Variants in ZNF106 observed in about 807,000 individuals in gnomAD.
ZNF106 encodes zinc finger protein 106, also known as SH3-domain binding protein 3.
In ZNF106, 67 loss-of-function variants were observed where a neutral mutation model predicts 195.1. That is an observed-to-expected ratio of 0.34 (90% CI 0.28 to 0.42). The LOEUF (loss-of-function observed/expected upper bound fraction) is 0.42, where lower values mean the gene tolerates loss of function less well. ZNF106 is among the 10% of genes least tolerant of loss of function. ZNF106 has a pLI of 1.00. For missense variants in ZNF106, 2,118 were observed against 2,304.5 expected, an observed-to-expected ratio of 0.92 and a Z score of 1.66; for synonymous variants, 784 against 818.6, an observed-to-expected ratio of 0.96 and a Z score of 0.72.
chr15:42,424,681 T>G, intron 16 of ZNF106, 153 bp downstream of exon 16: 2 of 698,688 alleles, frequency 2.9e-6, no homozygotes, highest in Non-Finnish European at 4.7e-6. Flanking sequence ...AGTTTTGCCA[T>G]GTTGCCCTGG....
intron 4 of ZNF106, among the ~76,000 whole-genome samples, chr15:42,454,249 T>A (rs2056153013): frequency 6.6e-6 from 1 of 152,164 alleles, no homozygotes; most frequent in South Asian, 2.1e-4. Flanking sequence ...ATTATATAAA[T>A]TACAATCATT....
chr15:42,462,005 T>C lies in ZNF106; in HGVS notation c.116+4048A>G, dbSNP rs148367524. On this transcript the variant is annotated intron_variant, in intron 3 of 21. Coordinates refer to ENST00000564754, the MANE Select transcript of ZNF106 (RefSeq NM_001366845.3). The stretch of plus-strand genomic sequence containing the variant: ...TTTGTCTTCTCTCTTATATGTAACA[T>C]GATTTGTTACAGGTCAGGAACACTA... 3.5e-3 allele frequency among the ~76,000 whole-genome samples: 537 copies of C among 152,300 alleles called. 1 individual carries two copies. Among genetic ancestry groups the C allele is most frequent in the African/African-American group, 0.012 (516 of 41,550 alleles).
At chr15:42,477,195 T>C (rs1013934350) in intron 1 of ZNF106, among the ~76,000 whole-genome samples, 26 of 152,234 alleles carry the variant, frequency 1.7e-4, no homozygotes, top group Admixed American at 1.7e-3. Context: ...TTATTACCTT[T>C]CATTTAACAT....
intron 20 of ZNF106, among the ~76,000 whole-genome samples, chr15:42,419,318 G>A (rs1056062121): frequency 5.9e-5 from 9 of 151,950 alleles, no homozygotes; most frequent in African/African-American, 1.9e-4. Context: ...AGTGAGCCAA[G>A]ATCGCACTCC....
chr15:42,443,673 T>A (rs1207329394), intron 9 of ZNF106, among the ~76,000 whole-genome samples: 1 of 151,828 alleles, frequency 6.6e-6, no homozygotes, highest in African/African-American at 2.4e-5. Flanking sequence ...AAGGCTGCAG[T>A]GAGCCATGAT....
At position 42,414,006 on chromosome 15, in the gene ZNF106, A is replaced by G. The variant is rs536331394; in HGVS notation, c.*3298T>C. ...ATTTAAACACTAGCATAGGTACACA[A>G]AAAGATTTATACTATGGTTTTCTTG... is the stretch of plus-strand genomic sequence containing the variant. On this transcript the variant is annotated 3_prime_UTR_variant, in exon 22 of 22. Transcript: ENST00000564754. 6.6e-6 allele frequency: 1 copy of G among 152,378 alleles called. No homozygotes were observed. Among genetic ancestry groups the G allele is most frequent in the South Asian group, 2.1e-4 (1 of 4,826 alleles). The allele number at this position is 152,378 out of a possible 1,614,324, so 9.4% of individuals were successfully genotyped here. A position where few individuals can be genotyped will look rare whatever the true frequency, so the allele number is the denominator to read the frequency against.
rs116840166 is a variant in ZNF106, at chr15:42,423,864, T to C, written c.5253+134A>G. The C allele has an allele frequency of 4.0e-3, 2,911 of 721,692 alleles. 76 individuals are homozygous for C. In the African/African-American group the frequency reaches 0.048, roughly 12 times the overall value. The allele number at this position is 721,692 out of a possible 1,614,324, so 44.7% of individuals were successfully genotyped here. ...AATTACACAATATTATCCAAGAGCA[T>C]ATGCACAGGGATGATTACGAATCCC... On this transcript the variant is annotated intron_variant, in intron 17 of 21. Coordinates refer to ENST00000564754, the MANE Select transcript of ZNF106 (RefSeq NM_001366845.3).
At chr15:42,419,612 G>C (rs1595859543) in intron 20 of ZNF106, among the ~76,000 whole-genome samples, 1 of 152,042 alleles carries the variant, frequency 6.6e-6, no homozygotes, top group East Asian at 1.9e-4. Context: ...CTACAGGCTT[G>C]TTGGTAAAGT....
At chr15:42,472,839 G>A (rs933229531) in intron 1 of ZNF106, among the ~76,000 whole-genome samples, 4 of 151,868 alleles carry the variant, frequency 2.6e-5, no homozygotes, top group Non-Finnish European at 5.9e-5. Context: ...GTGAAACCCC[G>A]TCTCTACTCA....
intron 3 of ZNF106, 79 bp downstream of exon 3, chr15:42,465,974 G>A: frequency 8.3e-7 from 1 of 1,205,710 alleles, no homozygotes; most frequent in Non-Finnish European, 1.1e-6. Context: ...ACGGATTACT[G>A]CAAAACAAAC....
At chr15:42,484,326 TTAAAG>T (rs1392940110) in intron 1 of ZNF106, among the ~76,000 whole-genome samples, 6 of 152,062 alleles carry the variant, frequency 3.9e-5, no homozygotes, top group Non-Finnish European at 7.4e-5. Context: ...AAATGAAAAA[TTAAAG>T]GAAAGTGAGT....
chr15:42,445,873 T>A (rs1213508917), intron 7 of ZNF106, among the ~76,000 whole-genome samples: 1 of 152,162 alleles, frequency 6.6e-6, no homozygotes, highest in Non-Finnish European at 1.5e-5. Context: ...CAGAAATACA[T>A]CAATGAGGGA....
intron 1 of ZNF106, among the ~76,000 whole-genome samples, chr15:42,476,211 A>G (rs1474613138): frequency 6.6e-6 from 1 of 152,180 alleles, no homozygotes; most frequent in Non-Finnish European, 1.5e-5. Flanking sequence ...TAGTATTTAA[A>G]CCCTGAGGTG....
rs1029461652 is a variant in ZNF106, at chr15:42,448,963, G to A, written c.2502-258C>T. On this transcript the variant is annotated intron_variant, in intron 5 of 21. Transcript: ENST00000564754. ...AATTGAGTTTTGTTTCATATGGAGC[G>A]CTAAATCTATAATAATACATACAGC... Among the ~76,000 whole-genome samples, 10 of 151,366 alleles carry A rather than the reference G, an allele frequency of 6.6e-5. No homozygotes were observed. In the East Asian group the frequency reaches 1.9e-3, roughly 29 times the overall value.
At chr15:42,473,056 A>C (rs1420517676) in intron 1 of ZNF106, among the ~76,000 whole-genome samples, 5 of 152,156 alleles carry the variant, frequency 3.3e-5, no homozygotes, top group Non-Finnish European at 7.3e-5. Context: ...CAGGTTGAAA[A>C]TTCCAAATCT....
rs2055236383 is a variant in ZNF106, at chr15:42,435,414, A to G, written c.4851T>C (p.Ser1617=). 2 of 1,614,224 alleles carry G rather than the reference A, an allele frequency of 1.2e-6. No homozygotes were observed. The highest frequency in any genetic ancestry group is 2.7e-5 in the African/African-American group (2 of 75,064). Residue 1617 remains serine (S), a synonymous_variant, in exon 14 of 22, where the codon AGT becomes AGC. Transcript: ENST00000564754. ...CATTATAGCAGCGGATGGTATGGTC[A>G]CTGGACCCGGTGTAAAGGGCAGCAT... ...GKNAALYTGS[S]DHTIRCYNVK... is the part of the protein sequence containing the mutation.
rs768537228 is a variant in ZNF106 at position 42,438,643 on chromosome 15, G to A, written c.4569C>T (p.Ile1523=). The change falls in exon 12 of 22, where the codon ATC becomes ATT. Residue 1523 remains isoleucine, a synonymous_variant. Transcript: ENST00000564754. ...AATTCTTTGATCCTTTTATGGAGGA[G>A]ATCACAGTCTGAGTTTCTGCCACAC... is the stretch of plus-strand genomic sequence containing the variant. ...PVSVAETQTV[I]SSIKGSKNSS... 1.2e-6 allele frequency: 2 copies of A among 1,613,826 alleles called. No individual in the cohort carries two copies. Among genetic ancestry groups the A allele is most frequent in the Non-Finnish European group, 1.7e-6 (2 of 1,179,836 alleles).
chr15:42,478,810 C>T lies in ZNF106; in HGVS notation c.-32-6489G>A, dbSNP rs574216370. Reference sequence around the variant, plus strand: ...TACAGGTGTGAGCCACCATGCCCAGCCCAGATGTCCTCATTCTTTACCTCC... The same window carrying T: ...TACAGGTGTGAGCCACCATGCCCAGTCCAGATGTCCTCATTCTTTACCTCC... On this transcript the variant is annotated intron_variant, in intron 1 of 21. Transcript: ENST00000564754. Among the ~76,000 whole-genome samples the T allele has an allele frequency of 3.9e-5, 6 of 152,164 alleles. No individual in the cohort carries two copies. In the South Asian group the frequency reaches 1.0e-3, roughly 26 times the overall value.
chr15:42,467,276 A>G (rs1371253458), intron 2 of ZNF106, among the ~76,000 whole-genome samples: 1 of 152,238 alleles, frequency 6.6e-6, no homozygotes, highest in East Asian at 1.9e-4. Flanking sequence ...CACATATATA[A>G]TAATAAAGGG....
Sources: allele counts gnomAD v4.1 joint callset (sites outside exome capture counted in the v4.1 genomes callset), GRCh38; gene constraint gnomAD v4.1.1; transcripts MANE v1.5; gene names NCBI Gene and HGNC (gene_info 2026-07-23, HGNC 2026-07-21).